Variants in SRSF6 observed in about 807,000 individuals in gnomAD.
SRSF6 encodes the protein serine/arginine-rich splicing factor 6.
A neutral mutation model predicts 42.0 loss-of-function variants in SRSF6; 17 were observed. The observed-to-expected ratio is 0.40, with a 90% CI of 0.28 to 0.61. SRSF6 has a LOEUF of 0.61. Ranked by LOEUF, SRSF6 falls within the 20% of genes least tolerant of loss-of-function variation. The pLI is 0.37. For missense variants in SRSF6, 379 were observed against 471.4 expected, an observed-to-expected ratio of 0.80 and a Z score of 1.81; for synonymous variants, 204 against 166.7, an observed-to-expected ratio of 1.22 and a Z score of -1.72.
rs776682450 is a variant in SRSF6, at chr20:43,460,783, A to C, written c.755A>C (p.Lys252Thr). The C allele has an allele frequency of 1.9e-6, 3 of 1,614,220 alleles. No homozygotes were observed. Among genetic ancestry groups the C allele is most frequent in the South Asian group, 1.1e-5 (1 of 91,080 alleles). ...AGATCAAAGAGCAAATCTAAGCCCA[A>C]GTCTGATCGGGGCTCCCATTCACAT... ...KSRSKSKSKP[K>T]SDRGSHSHSR... The change falls in exon 6 of 6, where the codon AAG (lysine) becomes ACG (threonine). Residue 252 changes from lysine (K) to threonine (T), a missense_variant. Physicochemically the swap from Lys to Thr is moderately conservative, Grantham distance 78. Around this residue, in one of 3 missense-constraint regions of SRSF6, gnomAD observed 219 missense variants for 216.1 expected, o/e 1.01. Transcript: ENST00000244020.
intron 1 of SRSF6, 38 bp downstream of exon 1, chr20:43,458,178 G>A: frequency 3.1e-6 from 5 of 1,593,494 alleles, no homozygotes; most frequent in Non-Finnish European, 2.6e-6. Context: ...AGCGTCCCAG[G>A]CCTGGTGGCG....
At position 43,458,483 on chromosome 20, in the gene SRSF6, G is replaced by T; in HGVS notation, c.230G>T (p.Arg77Leu). 2.6e-6 allele frequency: 4 copies of T among 1,511,110 alleles called. No homozygotes were observed. Among genetic ancestry groups the T allele is most frequent in the Non-Finnish European group, 3.5e-6 (4 of 1,135,148 alleles). 93.6% of individuals were successfully genotyped at this position (1,511,110 alleles called of 1,614,324 possible). The part of the protein sequence containing the change: ...VEHARGPRRD[R>L]DGYSYGSRSG... The stretch of plus-strand genomic sequence containing the variant: ...CACGCCCGGGGCCCGCGTCGCGATC[G>T]CGACGGCTACAGCTACGGAAGCCGC... Residue 77 changes from arginine (R) to leucine (L), a missense_variant, in exon 2 of 6, where the codon CGC becomes CTC. By Grantham distance (102) the Arg-to-Leu change is moderately radical. Transcript: ENST00000244020.
Position 43,462,970 on chromosome 20 carries a change from CTT to C in SRSF6, c.*1908_*1909del, listed in dbSNP as rs961890433. On this transcript the variant is annotated 3_prime_UTR_variant, in exon 6 of 6. Coordinates refer to ENST00000244020, the MANE Select transcript of SRSF6 (RefSeq NM_006275.6). ...AAAAATTGGCTTTGACCAAAGTTCTCTTGTTTTCAGGGAAAGAACATAAAAGC... is the reference window on the plus strand; with the variant it reads ...AAAAATTGGCTTTGACCAAAGTTCTCGTTTTCAGGGAAAGAACATAAAAGC... 2 of 152,634 alleles carry C rather than the reference CTT, an allele frequency of 1.3e-5. No individual in the cohort carries two copies. The highest frequency in any genetic ancestry group is 2.9e-5 in the Non-Finnish European group (2 of 68,020). The allele number at this position is 152,634 out of a possible 1,614,324, so 9.5% of individuals were successfully genotyped here.
At chr20:43,459,927 T>G (rs116932152) in intron 3 of SRSF6, 32 bp downstream of exon 3, 2 of 1,598,334 alleles carry the variant, frequency 1.3e-6, no homozygotes, top group East Asian at 2.2e-5. Context: ...AGAAATGATA[T>G]GACTAATGCT....
rs2017593098 is a variant in SRSF6 at position 43,461,347 on chromosome 20, T to TG, written c.*284_*285insG. The TG allele has an allele frequency of 5.6e-5, 4 of 71,730 alleles. No individual in the cohort carries two copies. The highest frequency in any genetic ancestry group is 2.4e-4 in the African/African-American group (4 of 16,572). 4.4% of individuals were successfully genotyped at this position (71,730 alleles called of 1,614,324 possible). A position where few individuals can be genotyped will look rare whatever the true frequency, so the allele number is the denominator to read the frequency against. On this transcript the variant is annotated 3_prime_UTR_variant, in exon 6 of 6. Transcript: ENST00000244020. ...AGCTCATTTAGTGTTGTTTTTTTTTTTTTTTTTTTTTTTTTTTTTTTTTTT... is the reference window on the plus strand; with the variant it reads ...AGCTCATTTAGTGTTGTTTTTTTTTTGTTTTTTTTTTTTTTTTTTTTTTTTT...
intron 2 of SRSF6, chr20:43,459,211 G>A: frequency 7.4e-7 from 1 of 1,352,134 alleles, no homozygotes; most frequent in Non-Finnish European, 9.8e-7. Flanking sequence ...TTCCTGATTG[G>A]CCTTGGCTTT....
In SRSF6 at chr20:43,457,945, G is replaced by A. The variant is rs895958603; in HGVS notation, c.-89G>A. 2 of 1,111,458 alleles carry A rather than the reference G, an allele frequency of 1.8e-6. No homozygotes were observed. Among genetic ancestry groups the A allele is most frequent in the Non-Finnish European group, 2.7e-6 (2 of 754,208 alleles). The allele number at this position is 1,111,458 out of a possible 1,614,324, so 68.8% of individuals were successfully genotyped here. A position where few individuals can be genotyped will look rare whatever the true frequency, so the allele number is the denominator to read the frequency against. ...CCTGTGGTGTGAGGCGCGTGTTCGG[G>A]CTCTTGCCGTCCCCGCACCCGCACC... On this transcript the variant is annotated 5_prime_UTR_variant, in exon 1 of 6. Transcript: ENST00000244020.
intron 4 of SRSF6, 110 bp downstream of exon 4, chr20:43,460,351 G>C (rs2017563922): frequency 7.2e-7 from 1 of 1,389,144 alleles, no homozygotes; most frequent in Non-Finnish European, 1.0e-6. Context: ...CTTTTAGTTT[G>C]TTTTGGCTGT....
chr20:43,458,671 C>T (rs973336962), intron 2 of SRSF6, among the ~76,000 whole-genome samples, 162 bp downstream of exon 2: 7 of 152,148 alleles, frequency 4.6e-5, no homozygotes, highest in Non-Finnish European at 8.8e-5. Context: ...AGCCATGGGA[C>T]GCCGGAGCGC....
intron 2 of SRSF6, among the ~76,000 whole-genome samples, 173 bp from the exon 3 acceptor site, chr20:43,459,598 G>A (rs1308296834): frequency 6.6e-6 from 1 of 152,234 alleles, no homozygotes; most frequent in Non-Finnish European, 1.5e-5. Context: ...TAGTCTATTT[G>A]ACTTGCCCTT....
rs990185614 is a variant in SRSF6, at chr20:43,461,944, C to T, written c.*881C>T. 5.3e-5 allele frequency: 8 copies of T among 152,150 alleles called. No homozygotes were observed. The highest frequency in any genetic ancestry group is 1.9e-4 in the African/African-American group (8 of 41,434). 9.4% of individuals were successfully genotyped at this position (152,150 alleles called of 1,614,324 possible). On this transcript the variant is annotated 3_prime_UTR_variant, in exon 6 of 6. Transcript: ENST00000244020. Reference sequence around the variant, plus strand: ...TTAGTGTTGAGAGTGGTTCAGTTGTCTTTAATGTTTGTCATGTGGAAATGG... The same window carrying T: ...TTAGTGTTGAGAGTGGTTCAGTTGTTTTTAATGTTTGTCATGTGGAAATGG...
intron 4 of SRSF6, 66 bp from the exon 5 acceptor site, chr20:43,460,449 T>C: frequency 6.7e-7 from 1 of 1,498,106 alleles, no homozygotes; most frequent in Non-Finnish European, 9.2e-7. Flanking sequence ...TATCTATTTT[T>C]GCCAGATGGC....
chr20:43,458,004 C>T lies in SRSF6; in HGVS notation c.-30C>T, dbSNP rs976776753. Reference sequence around the variant, plus strand: ...TGGCTTGCGGTCCGCCGTTCGACAACCAGCCCTTGGGTCCCCGCCCGCCAC... The same window carrying T: ...TGGCTTGCGGTCCGCCGTTCGACAATCAGCCCTTGGGTCCCCGCCCGCCAC... On this transcript the variant is annotated 5_prime_UTR_variant, in exon 1 of 6. Coordinates refer to ENST00000244020, the MANE Select transcript of SRSF6 (RefSeq NM_006275.6). 3.8e-6 allele frequency: 6 copies of T among 1,586,826 alleles called. No homozygotes were observed. In the African/African-American group the frequency reaches 8.1e-5, roughly 21 times the overall value.
Position 43,461,007 on chromosome 20 carries a change from C to T in SRSF6, c.979C>T (p.Arg327Cys), listed in dbSNP as rs144306029. The T allele has an allele frequency of 1.8e-5, 29 of 1,608,948 alleles. No individual in the cohort carries two copies. The highest frequency in any genetic ancestry group is 3.4e-5 in the Admixed American group (2 of 58,596). ...ACCAAAAAGAGCTACTTCAAGATCC[C>T]GTTCTAGATCTCGCTCAAAGTCAAG... ...PPPKRATSRS[R>C]SRSRSKSRSR... The change falls in exon 6 of 6, where the codon CGT (arginine) becomes TGT (cysteine). Residue 327 changes from arginine to cysteine, a missense_variant. Coordinates refer to ENST00000244020, the MANE Select transcript of SRSF6 (RefSeq NM_006275.6).
intron 2 of SRSF6, 67 bp downstream of exon 2, chr20:43,458,576 C>T: frequency 1.4e-6 from 2 of 1,392,696 alleles, no homozygotes; most frequent in South Asian, 1.5e-5. Context: ...TGGGGTGGGG[C>T]CTCCCAGCCC....
At chr20:43,458,266 CGTCGCGGGGGCGCGCGGT>C in intron 1 of SRSF6, 77 bp from the exon 2 acceptor site, 1 of 1,395,314 alleles carries the variant, frequency 7.2e-7, no homozygotes, top group Non-Finnish European at 9.3e-7. Context: ...GACGGCGCGG[CGTCGCGGGGGCGCGCGGT>C]GGGGTACGGG....
chr20:43,459,984 G>C (rs751914632), intron 3 of SRSF6, 49 bp from the exon 4 acceptor site: 1 of 1,612,202 alleles, frequency 6.2e-7, no homozygotes, highest in Non-Finnish European at 8.5e-7. Context: ...ATTTATTATG[G>C]TATATAGATG....
Position 43,458,343 on chromosome 20 carries a change from C to T in SRSF6, c.108-18C>T, listed in dbSNP as rs2017532959. ...TAACGACTCCCCCGCGGTTGTCCGG[C>T]CCTCGCACCGCCCCTAGGTACGGCT... On this transcript the variant is annotated intron_variant, in intron 1 of 5. Coordinates refer to ENST00000244020, the MANE Select transcript of SRSF6 (RefSeq NM_006275.6). 3.9e-6 allele frequency: 6 copies of T among 1,534,292 alleles called. No homozygotes were observed. Among genetic ancestry groups the T allele is most frequent in the East Asian group, 2.7e-5 (1 of 36,898 alleles).
At chr20:43,458,810 G>C (rs1476433855) in intron 2 of SRSF6, among the ~76,000 whole-genome samples, 1 of 138,782 alleles carries the variant, frequency 7.2e-6, no homozygotes, top group Non-Finnish European at 1.5e-5. Flanking sequence ...TGTATTTGTT[G>C]TATTCTCCTT....
Sources: allele counts gnomAD v4.1 joint callset (sites outside exome capture counted in the v4.1 genomes callset), GRCh38; gene constraint gnomAD v4.1.1; regional missense constraint gnomAD v4.1.1; transcripts MANE v1.5; gene names NCBI Gene and HGNC (gene_info 2026-07-23, HGNC 2026-07-21).